PIK3C2G: variants seen among roughly 807,000 people sequenced by gnomAD.
PIK3C2G encodes the protein phosphatidylinositol 3-kinase C2 domain-containing subunit gamma.
Under a neutral mutation model 181.1 loss-of-function variants are expected in PIK3C2G, and 168 were observed. The ratio of observed to expected loss-of-function variants is 0.93; its 90% CI spans 0.82 to 1.05. PIK3C2G has a LOEUF of 1.05. Among genes scored for constraint, PIK3C2G ranks in the 50% least tolerant of loss-of-function variants. The probability of loss-of-function intolerance (pLI) is 0.00; values close to 1 mark genes in which losing one functional copy is unlikely to be tolerated. For missense variants in PIK3C2G, 1,869 were observed against 1,732.8 expected, an observed-to-expected ratio of 1.08 and a Z score of -1.40; for synonymous variants, 573 against 592.2, an observed-to-expected ratio of 0.97 and a Z score of 0.47.
chr12:18,602,086 A>T (rs1221168373), intron 30 of PIK3C2G, among the ~76,000 whole-genome samples: 2 of 152,134 alleles, frequency 1.3e-5, no homozygotes, highest in Non-Finnish European at 2.9e-5. Flanking sequence ...CTTCACAGGT[A>T]GGGGAAGAAC....
the PIK3C2G span, chr12:18,684,022 T>C: frequency 7.6e-7 from 1 of 1,308,510 alleles, no homozygotes; most frequent in South Asian, 1.3e-5. Context: ...AAAATTTCCT[T>C]TACATCCTAC....
chr12:18,519,027 A>G (rs1041547135), intron 24 of PIK3C2G, among the ~76,000 whole-genome samples: 1 of 152,164 alleles, frequency 6.6e-6, no homozygotes, highest in Non-Finnish European at 1.5e-5. Flanking sequence ...TTCAATTTCT[A>G]TGTAATTGTG....
intron 26 of PIK3C2G, among the ~76,000 whole-genome samples, chr12:18,550,096 C>T (rs563907122): frequency 6.6e-6 from 1 of 152,116 alleles, no homozygotes; most frequent in South Asian, 2.1e-4. Flanking sequence ...CTCTGTGTTT[C>T]TTGCTCAGCA....
chr12:18,683,652 T>C, the PIK3C2G span: 1 of 1,337,886 alleles, frequency 7.5e-7, no homozygotes, highest in East Asian at 4.3e-5. Flanking sequence ...AGTAAGCATA[T>C]TGAGACAAGG....
chr12:18,599,539 C>T (rs1947583201), intron 30 of PIK3C2G, among the ~76,000 whole-genome samples: 1 of 151,860 alleles, frequency 6.6e-6, no homozygotes, highest in African/African-American at 2.4e-5. Flanking sequence ...GGGAGATATA[C>T]CTAATGCTAG....
chr12:18,571,276 A>G (rs1945925681), intron 29 of PIK3C2G, among the ~76,000 whole-genome samples: 1 of 150,718 alleles, frequency 6.6e-6, no homozygotes, highest in Admixed American at 6.6e-5. Flanking sequence ...AATTTTTTCT[A>G]AATTTTGCAA....
At chr12:18,464,164 C>T (rs1407770658) in intron 18 of PIK3C2G, among the ~76,000 whole-genome samples, 2 of 151,820 alleles carry the variant, frequency 1.3e-5, no homozygotes, top group Non-Finnish European at 2.9e-5. Flanking sequence ...CCTCATATGC[C>T]CTAAAGTACT....
At chr12:18,537,105 T>C (rs1448936354) in intron 24 of PIK3C2G, among the ~76,000 whole-genome samples, 1 of 152,096 alleles carries the variant, frequency 6.6e-6, no homozygotes, top group African/African-American at 2.4e-5. Context: ...AGTTGTAGCT[T>C]TCTGATATAA....
At chr12:18,688,300 A>T in the PIK3C2G span, 1 of 1,436,068 alleles carries the variant, frequency 7.0e-7, no homozygotes, top group Non-Finnish European at 9.4e-7. Context: ...GTTATGTATT[A>T]CAAAAAGTTG....
chr12:18,265,308 T>C (rs1948436290), intron 1 of PIK3C2G, among the ~76,000 whole-genome samples: 4 of 152,182 alleles, frequency 2.6e-5, no homozygotes, highest in Admixed American at 2.6e-4. Context: ...TAAGGAATCA[T>C]GAATAAATAC....
At chr12:18,588,150 A>T (rs1407617844) in intron 29 of PIK3C2G, among the ~76,000 whole-genome samples, 3 of 152,112 alleles carry the variant, frequency 2.0e-5, no homozygotes. Flanking sequence ...TAAAAGCCCT[A>T]GAAGACAACC....
intron 1 of PIK3C2G, among the ~76,000 whole-genome samples, chr12:18,273,298 T>C (rs1044898335): frequency 6.6e-6 from 1 of 152,198 alleles, no homozygotes; most frequent in East Asian, 1.9e-4. Flanking sequence ...TACGGCATTA[T>C]TTCTGAGGGC....
chr12:18,688,196 G>C, the PIK3C2G span: 1 of 1,610,010 alleles, frequency 6.2e-7, no homozygotes, highest in Non-Finnish European at 8.5e-7. Context: ...ATGAGTAAGA[G>C]GCAACTGGAT....
chr12:18,488,701 T>C (rs761254422), intron 19 of PIK3C2G, 72 bp downstream of exon 19: 3 of 961,270 alleles, frequency 3.1e-6, no homozygotes, highest in Non-Finnish European at 4.2e-6. Flanking sequence ...AATTTCATTG[T>C]TTGCAAAGCA....
chr12:18,312,895 A>G (rs1950699265), intron 5 of PIK3C2G, among the ~76,000 whole-genome samples: 1 of 152,120 alleles, frequency 6.6e-6, no homozygotes, highest in South Asian at 2.1e-4. Flanking sequence ...ACATAATTCT[A>G]TACATTTTTG....
At chr12:18,399,988 T>C (rs1173888516) in intron 16 of PIK3C2G, 141 bp downstream of exon 16, 2 of 464,072 alleles carry the variant, frequency 4.3e-6, no homozygotes, top group African/African-American at 2.0e-5. Context: ...TAGATAAATG[T>C]AAGCTATGAA....
chr12:18,580,321 T>C (rs1026714242), intron 29 of PIK3C2G, among the ~76,000 whole-genome samples: 2 of 152,226 alleles, frequency 1.3e-5, no homozygotes, highest in African/African-American at 4.8e-5. Context: ...TGTTGTTCAT[T>C]ACCAGAAGTT....
intron 6 of PIK3C2G, among the ~76,000 whole-genome samples, chr12:18,317,721 GA>G (rs1201679162): frequency 6.6e-6 from 1 of 152,140 alleles, no homozygotes; most frequent in Non-Finnish European, 1.5e-5. Flanking sequence ...TAGAAACGAG[GA>G]ATATTAAATT....
chr12:18,322,746 T>C (rs1380886067), intron 7 of PIK3C2G, among the ~76,000 whole-genome samples: 6 of 152,270 alleles, frequency 3.9e-5, no homozygotes, highest in Admixed American at 2.0e-4. Context: ...CCTAAAAACA[T>C]CCATCTTCAC....
Sources: gnomAD v4.1 joint callset for allele counts (sites outside exome capture counted in the v4.1 genomes callset) on GRCh38, gnomAD v4.1.1 for gene constraint, MANE v1.5 for transcripts, NCBI Gene and HGNC (gene_info 2026-07-23, HGNC 2026-07-21) for gene names.